CACNB2: variants seen among roughly 807,000 people sequenced by gnomAD.
CACNB2 encodes the protein voltage-dependent L-type calcium channel subunit beta-2.
Under a neutral mutation model 73.3 loss-of-function variants are expected in CACNB2, and 42 were observed. That is an observed-to-expected ratio of 0.57 (90% CI 0.45 to 0.74). The LOEUF (loss-of-function observed/expected upper bound fraction) is 0.74, where lower values mean the gene tolerates loss of function less well. Ranked by LOEUF, CACNB2 falls within the 30% of genes least tolerant of loss-of-function variation. The pLI is 0.00. For synonymous variants in CACNB2, 348 were observed against 310.3 expected (o/e 1.12, Z -1.28); for missense variants, 940 against 853.0 (o/e 1.10, Z -1.27).
At chr10:18,281,424 C>T (rs1005184039) in intron 2 of CACNB2, among the ~76,000 whole-genome samples, 15 of 152,136 alleles carry the variant, frequency 9.9e-5, no homozygotes, top group African/African-American at 3.1e-4. Flanking sequence ...AGGGGATTGC[C>T]GTCTAATTAG....
chr10:18,146,228 T>C (rs1368373180), intron 1 of CACNB2, among the ~76,000 whole-genome samples: 1 of 152,150 alleles, frequency 6.6e-6, no homozygotes, highest in Admixed American at 6.5e-5. Context: ...TTGTTTGTTT[T>C]AGGTCATAAG....
intron 3 of CACNB2, among the ~76,000 whole-genome samples, chr10:18,494,947 G>A (rs1195237913): frequency 6.6e-6 from 1 of 152,004 alleles, no homozygotes; most frequent in Admixed American, 6.6e-5. Flanking sequence ...ATATTTTTAA[G>A]ATTACATCTC....
At chr10:18,215,333 C>T (rs2035470721) in intron 2 of CACNB2, among the ~76,000 whole-genome samples, 1 of 152,106 alleles carries the variant, frequency 6.6e-6, no homozygotes, top group South Asian at 2.1e-4. Flanking sequence ...ACCATCGGAG[C>T]GGGTCTGACG....
intron 2 of CACNB2, among the ~76,000 whole-genome samples, chr10:18,310,425 G>A (rs1036653934): frequency 1.1e-4 from 16 of 151,010 alleles, no homozygotes; most frequent in Non-Finnish European, 2.2e-4. Flanking sequence ...GACCAACATG[G>A]AGAAACCCCA....
intron 2 of CACNB2, among the ~76,000 whole-genome samples, chr10:18,254,231 A>G (rs990107700): frequency 1.3e-5 from 2 of 152,238 alleles, no homozygotes; most frequent in African/African-American, 2.4e-5. Context: ...TTGTTGCTAC[A>G]TTGTATTCCT....
intron 1 of CACNB2, chr10:18,141,176 A>G: frequency 6.6e-7 from 1 of 1,505,176 alleles, no homozygotes. Context: ...GCACATGGAG[A>G]GACATGAATC....
At chr10:18,356,601 A>C (rs535171604) in intron 2 of CACNB2, among the ~76,000 whole-genome samples, 4 of 151,926 alleles carry the variant, frequency 2.6e-5, no homozygotes, top group African/African-American at 9.7e-5. Context: ...AGCAGTTTAC[A>C]TTTTGATCCT....
At position 18,517,879 on chromosome 10, in the gene CACNB2, A is replaced by G. The variant is rs1041390733; in HGVS notation, c.805-457A>G. ...AATGAGGTTTTACACAGGTAAGACA[A>G]AAACCTAAGATGCAAAGGTAATGCA... On this transcript the variant is annotated intron_variant, in intron 7 of 13. Coordinates refer to ENST00000324631, the MANE Select transcript of CACNB2 (RefSeq NM_201596.3). 3.9e-5 allele frequency among the ~76,000 whole-genome samples: 6 copies of G among 152,242 alleles called. No individual in the cohort carries two copies. The East Asian group carries it at 1.2e-3, about 29-fold the overall frequency.
intron 3 of CACNB2, among the ~76,000 whole-genome samples, chr10:18,434,309 G>C (rs761276298): frequency 1.3e-5 from 2 of 152,132 alleles, no homozygotes; most frequent in Non-Finnish European, 2.9e-5. Flanking sequence ...GGGATAAAGT[G>C]ATTTAACATA....
At chr10:18,525,109 T>G (rs986636294) in intron 9 of CACNB2, among the ~76,000 whole-genome samples, 1 of 151,920 alleles carries the variant, frequency 6.6e-6, no homozygotes, top group Non-Finnish European at 1.5e-5. Flanking sequence ...ATATTAAATA[T>G]GGAGCCAGCC....
At position 18,539,739 on chromosome 10, in the gene CACNB2, T is replaced by C. The variant is rs200729868; in HGVS notation, c.*15T>C. Reference sequence around the variant, plus strand: ...TCCGCCAATGAGTTTTGCCCGTTTGTGTTTTTTTTTTTTTTTTTTTGAAGT... The same window carrying C: ...TCCGCCAATGAGTTTTGCCCGTTTGCGTTTTTTTTTTTTTTTTTTTGAAGT... On this transcript the variant is annotated 3_prime_UTR_variant, in exon 14 of 14. Transcript: ENST00000324631. 6.5e-6 allele frequency: 10 copies of C among 1,536,018 alleles called. No homozygotes were observed. The highest frequency in any genetic ancestry group is 3.5e-4 in the Middle Eastern group (2 of 5,766).
At chr10:18,166,169 T>C (rs1436133756) in intron 2 of CACNB2, among the ~76,000 whole-genome samples, 1 of 152,242 alleles carries the variant, frequency 6.6e-6, no homozygotes, top group Admixed American at 6.5e-5. Context: ...TAAGTATTTC[T>C]AGGATAAATG....
At chr10:18,467,218 A>T (rs1447487839) in intron 3 of CACNB2, among the ~76,000 whole-genome samples, 1 of 152,210 alleles carries the variant, frequency 6.6e-6, no homozygotes, top group East Asian at 1.9e-4. Flanking sequence ...AAACTCTGAA[A>T]TAATCTATTC....
rs182822364 is a variant in CACNB2 at position 18,503,284 on chromosome 10, G to C, written c.593+2336G>C. Reference sequence around the variant, plus strand: ...TTTTCCTACCCTCTGTATTGAAAATGGTATCATAATACTAGCTAATGAAAC... The same window carrying C: ...TTTTCCTACCCTCTGTATTGAAAATCGTATCATAATACTAGCTAATGAAAC... On this transcript the variant is annotated intron_variant, in intron 5 of 13. Transcript: ENST00000324631. 1.9e-3 allele frequency among the ~76,000 whole-genome samples: 285 copies of C among 152,236 alleles called. 1 individual carries two copies. Among genetic ancestry groups the C allele is most frequent in the African/African-American group, 6.5e-3 (271 of 41,550 alleles).
In CACNB2 at chr10:18,239,032, A is replaced by G. The variant is rs561842247; in HGVS notation, c.213+88057A>G. Among the ~76,000 whole-genome samples, 16 of 152,256 alleles carry G rather than the reference A, an allele frequency of 1.1e-4. No individual in the cohort carries two copies. The South Asian group carries it at 3.1e-3, about 30-fold the overall frequency. On this transcript the variant is annotated intron_variant, in intron 2 of 13. Transcript: ENST00000324631. ...CCCAAATGCTTTCAGGAAGATTTGA[A>G]TCTTGCAAAAATCTTTTCAGTGGGG...
At chr10:18,242,842 C>A (rs1261245111) in intron 2 of CACNB2, among the ~76,000 whole-genome samples, 5 of 129,636 alleles carry the variant, frequency 3.9e-5, no homozygotes, top group African/African-American at 5.8e-5. Flanking sequence ...AAAAAAAAAA[C>A]CAAAAAAACA....
intron 2 of CACNB2, among the ~76,000 whole-genome samples, chr10:18,193,270 CT>C (rs34215819): frequency 1.0e-4 from 15 of 148,548 alleles, no homozygotes; most frequent in East Asian, 4.0e-4. Flanking sequence ...AAGTGTCAAG[CT>C]TTTTTTTTTT....
chr10:18,522,063 T>C (rs1838515608), intron 9 of CACNB2, among the ~76,000 whole-genome samples: 1 of 152,122 alleles, frequency 6.6e-6, no homozygotes, highest in Admixed American at 6.6e-5. Flanking sequence ...GCAGCGGCAT[T>C]AGATTCTCAT....
At position 18,219,497 on chromosome 10, in the gene CACNB2, G is replaced by A. The variant is rs1588731469; in HGVS notation, c.213+68522G>A. Among the ~76,000 whole-genome samples the A allele has an allele frequency of 3.9e-5, 6 of 152,082 alleles. No homozygotes were observed. In the South Asian group the frequency reaches 1.2e-3, roughly 32 times the overall value. On this transcript the variant is annotated intron_variant, in intron 2 of 13. Transcript: ENST00000324631. ...GAATTCTTTTCCTAATCCTTTTACT[G>A]TAGTCCTGTTAATGCCTATAGCCCT...
Sources: gnomAD v4.1 joint callset for allele counts (sites outside exome capture counted in the v4.1 genomes callset) on GRCh38, gnomAD v4.1.1 for gene constraint, MANE v1.5 for transcripts, NCBI Gene and HGNC (gene_info 2026-07-23, HGNC 2026-07-21) for gene names.